The following MGMT variants were observed in gnomAD, a reference collection of about 807,000 sequenced individuals.
The protein encoded by MGMT is O-6-methylguanine-DNA methyltransferase.
Under a neutral mutation model 15.9 loss-of-function variants are expected in MGMT, and 14 were observed. The ratio of observed to expected loss-of-function variants is 0.88; its 90% CI spans 0.58 to 1.37. The LOEUF (loss-of-function observed/expected upper bound fraction) is 1.37, where lower values mean the gene tolerates loss of function less well. MGMT is among the 40% of genes most tolerant of loss of function. The probability of loss-of-function intolerance (pLI) is 0.00; values close to 1 mark genes in which losing one functional copy is unlikely to be tolerated. For synonymous variants in MGMT, 130 were observed against 118.2 expected, an observed-to-expected ratio of 1.10 and a Z score of -0.65; for missense variants, 282 against 268.1, an observed-to-expected ratio of 1.05 and a Z score of -0.36.
chr10:129,510,097 T>C (rs964629143), intron 1 of MGMT, among the ~76,000 whole-genome samples: 4 of 152,204 alleles, frequency 2.6e-5, no homozygotes, highest in African/African-American at 4.8e-5. Context: ...TCCTGTTCCC[T>C]GTCTCCTCGG....
chr10:129,654,488 C>G (rs1847500836), intron 2 of MGMT, among the ~76,000 whole-genome samples: 2 of 152,138 alleles, frequency 1.3e-5, no homozygotes, highest in African/African-American at 4.8e-5. Flanking sequence ...ATCACATACC[C>G]CTGCTCACTC....
At chr10:129,683,683 T>C (rs531031552) in intron 2 of MGMT, among the ~76,000 whole-genome samples, 1 of 152,334 alleles carries the variant, frequency 6.6e-6, no homozygotes, top group East Asian at 1.9e-4. Context: ...CTGGGTTTCC[T>C]GTCATGATGA....
chr10:129,477,881 T>C (rs1845312846), intron 1 of MGMT, among the ~76,000 whole-genome samples: 2 of 152,200 alleles, frequency 1.3e-5, no homozygotes, highest in Admixed American at 1.3e-4. Flanking sequence ...GAGGATAACT[T>C]TGTCATCAGA....
intron 2 of MGMT, chr10:129,564,043 A>T (rs926626825): frequency 6.6e-6 from 1 of 152,492 alleles, no homozygotes; most frequent in Non-Finnish European, 1.5e-5. Context: ...TGCCAAAGGG[A>T]CAAAGGCTGG....
chr10:129,656,176 A>G (rs1189171277), intron 2 of MGMT, among the ~76,000 whole-genome samples: 1 of 152,186 alleles, frequency 6.6e-6, no homozygotes. Flanking sequence ...ATGGCACTAC[A>G]GTTCTATGTA....
chr10:129,676,506 T>C (rs2133116632), intron 2 of MGMT, among the ~76,000 whole-genome samples: 1 of 152,304 alleles, frequency 6.6e-6, no homozygotes, highest in Middle Eastern at 3.4e-3. Context: ...CGAGGGTCCC[T>C]GTGGAAGTGG....
At position 129,707,993 on chromosome 10, in the gene MGMT, C is replaced by T. The variant is rs746604806; in HGVS notation, c.224C>T (p.Ala75Val). 1 of 1,613,808 alleles carries T rather than the reference C, an allele frequency of 6.2e-7. No individual in the cohort carries two copies. The highest frequency in any genetic ancestry group is 1.7e-5 in the Admixed American group (1 of 59,994). The change falls in exon 3 of 5, where the codon GCT becomes GTT. Residue 75 changes from alanine to valine, a missense_variant. By Grantham distance (64) the Ala-to-Val change is moderately conservative. Coordinates refer to ENST00000651593, the MANE Select transcript of MGMT (RefSeq NM_002412.5). ...WLNAYFHQPE[A>V]IEEFPVPALH... ...AATGCCTATTTCCACCAGCCCGAGG[C>T]TATCGAAGAGTTCCCCGTGCCGGCT...
intron 3 of MGMT, among the ~76,000 whole-genome samples, chr10:129,736,863 T>A (rs967607724): frequency 8.5e-5 from 13 of 152,344 alleles, no homozygotes; most frequent in Middle Eastern, 6.8e-3. Flanking sequence ...AAAATTCTTT[T>A]CTTTAAGAAT....
chr10:129,533,058 C>G lies in MGMT; in HGVS notation c.-12-3183C>G, dbSNP rs367573290. On this transcript the variant is annotated intron_variant, in intron 1 of 4. Transcript: ENST00000651593. The surrounding 1 kb of genome is among the most constrained non-coding windows in gnomAD (Gnocchi z 4.5). ...GCAGGTCCCACGGAGGCAGAGCAGC[C>G]GAGAATCAACGGTGGCCATAGCCAC... 1.3e-5 allele frequency among the ~76,000 whole-genome samples: 2 copies of G among 152,212 alleles called. No homozygotes were observed. The highest frequency in any genetic ancestry group is 2.9e-5 in the Non-Finnish European group (2 of 68,028).
At chr10:129,557,485 G>A (rs540164514) in intron 2 of MGMT, among the ~76,000 whole-genome samples, 1 of 152,294 alleles carries the variant, frequency 6.6e-6, no homozygotes, top group East Asian at 1.9e-4. Context: ...TAAGATAGAA[G>A]TAAATTGTAA....
chr10:129,705,363 C>T (rs1848148608), intron 2 of MGMT, among the ~76,000 whole-genome samples: 1 of 152,214 alleles, frequency 6.6e-6, no homozygotes, highest in Admixed American at 6.5e-5. Context: ...CAGGGTATTT[C>T]CGCCCACAGT....
chr10:129,745,518 C>CT (rs1564783034), intron 3 of MGMT, among the ~76,000 whole-genome samples: 2 of 152,176 alleles, frequency 1.3e-5, no homozygotes, highest in South Asian at 4.1e-4. Flanking sequence ...TGGAGCCTGG[C>CT]TTTTTTCACT....
intron 2 of MGMT, among the ~76,000 whole-genome samples, chr10:129,688,929 GT>G (rs998630663): frequency 8.9e-5 from 13 of 146,592 alleles, no homozygotes; most frequent in Non-Finnish European, 1.8e-4. Context: ...TTATGGGTTT[GT>G]TTTTTTTTTA....
chr10:129,609,027 G>C (rs992304008), intron 2 of MGMT, among the ~76,000 whole-genome samples: 6 of 152,242 alleles, frequency 3.9e-5, no homozygotes, highest in African/African-American at 1.4e-4. Context: ...TGGAGACAAA[G>C]CCTTCTCTCC....
At chr10:129,740,717 G>A (rs1023504983) in intron 3 of MGMT, among the ~76,000 whole-genome samples, 7 of 152,152 alleles carry the variant, frequency 4.6e-5, no homozygotes, top group South Asian at 2.1e-4. Context: ...TCAGGAGAGC[G>A]CTGGCCCCAC....
chr10:129,579,189 T>G (rs1203528970), intron 2 of MGMT, among the ~76,000 whole-genome samples: 1 of 152,240 alleles, frequency 6.6e-6, no homozygotes, highest in Non-Finnish European at 1.5e-5. Context: ...GCCATTGTTT[T>G]GATTTCTAGT....
chr10:129,558,452 G>C (rs1282985624), intron 2 of MGMT, among the ~76,000 whole-genome samples: 5 of 152,274 alleles, frequency 3.3e-5, no homozygotes. Context: ...TTTGGGATTC[G>C]TGTTTATTAC....
intron 2 of MGMT, among the ~76,000 whole-genome samples, chr10:129,668,950 G>A (rs1176721507): frequency 1.3e-5 from 2 of 151,246 alleles, no homozygotes; most frequent in Non-Finnish European, 3.0e-5. Context: ...ATGACTTAAA[G>A]CCTTTCCCTA....
chr10:129,519,729 G>A (rs559522566), intron 1 of MGMT, among the ~76,000 whole-genome samples: 1 of 152,306 alleles, frequency 6.6e-6, no homozygotes, highest in Non-Finnish European at 1.5e-5. Context: ...TCTTTGCTAA[G>A]GGTAAAGAGG....
Sources: allele counts gnomAD v4.1 joint callset (sites outside exome capture counted in the v4.1 genomes callset), GRCh38; gene constraint gnomAD v4.1.1; non-coding constraint Gnocchi (gnomAD v3.1); transcripts MANE v1.5; gene names NCBI Gene and HGNC (gene_info 2026-07-23, HGNC 2026-07-21).